MYOCD: variants seen among roughly 807,000 people sequenced by gnomAD.
The protein encoded by MYOCD is myocardin.
A neutral mutation model predicts 96.1 loss-of-function variants in MYOCD; 32 were observed. The observed-to-expected ratio is 0.33, with a 90% CI of 0.25 to 0.45. The LOEUF is 0.45. Among genes scored for constraint, MYOCD ranks in the 20% least tolerant of loss-of-function variants. The pLI is 1.00. For missense variants in MYOCD, 1,133 were observed against 1,200.6 expected, an observed-to-expected ratio of 0.94 and a Z score of 0.83; for synonymous variants, 469 against 469.0, an observed-to-expected ratio of 1.00 and a Z score of 0.00.
chr17:12,668,024 A>G (rs1181331645), intron 1 of MYOCD, among the ~76,000 whole-genome samples: 1 of 152,238 alleles, frequency 6.6e-6, no homozygotes, highest in Non-Finnish European at 1.5e-5. Context: ...GACAAGAGAA[A>G]AAAAACAAGT....
chr17:12,689,767 G>A (rs969622500), intron 1 of MYOCD, among the ~76,000 whole-genome samples: 11 of 151,668 alleles, frequency 7.3e-5, no homozygotes, highest in Admixed American at 2.6e-4. Context: ...GGAGGCAAAG[G>A]TTGCAGTGGG....
intron 4 of MYOCD, 133 bp downstream of exon 4, chr17:12,717,554 G>A: frequency 1.4e-6 from 1 of 720,390 alleles, no homozygotes; most frequent in East Asian, 2.8e-5. Flanking sequence ...GTAGTTTCAA[G>A]TAATCATCTA....
At chr17:12,718,071 T>C (rs2031704594) in intron 4 of MYOCD, among the ~76,000 whole-genome samples, 1 of 151,926 alleles carries the variant, frequency 6.6e-6, no homozygotes, top group Non-Finnish European at 1.5e-5. Context: ...AGAGGTCCAA[T>C]CCCTAATTTG....
chr17:12,684,279 A>G (rs980455328), intron 1 of MYOCD, among the ~76,000 whole-genome samples: 2 of 152,156 alleles, frequency 1.3e-5, no homozygotes, highest in Non-Finnish European at 2.9e-5. Context: ...TCGTCTGAGC[A>G]TCAGATGAGT....
Position 12,715,591 on chromosome 17 carries a change from TC to T in MYOCD, c.177+18del. The T allele has an allele frequency of 6.2e-7, 1 of 1,606,456 alleles. No homozygotes were observed. Among genetic ancestry groups the T allele is most frequent in the South Asian group, 1.1e-5 (1 of 90,690 alleles). On this transcript the variant is annotated intron_variant, in intron 3 of 13. Coordinates refer to ENST00000425538, the MANE Select transcript of MYOCD (RefSeq NM_001146312.3). Reference sequence around the variant, plus strand: ...AGTGACAAGGTAATTTTTGCAAATTTCTTGACCCAAGCTTAGACTATAGGTT... The same window carrying T: ...AGTGACAAGGTAATTTTTGCAAATTTTTGACCCAAGCTTAGACTATAGGTT...
Position 12,706,169 on chromosome 17 carries a change from A to G in MYOCD, c.121+976A>G, listed in dbSNP as rs1347671314. The G allele has an allele frequency of 3.9e-5, 6 of 152,370 alleles. No homozygotes were observed. The East Asian group carries it at 1.2e-3, about 29-fold the overall frequency. The allele number at this position is 152,370 out of a possible 1,614,324, so 9.4% of individuals were successfully genotyped here. A position where few individuals can be genotyped will look rare whatever the true frequency, so the allele number is the denominator to read the frequency against. ...TTCAGGCCTCTTGTTTTGTAATTCA[A>G]AAGTAATCCTTTGTTCATGGCTAAG... On this transcript the variant is annotated intron_variant, in intron 2 of 13. Transcript: ENST00000425538.
chr17:12,763,158 C>T lies in MYOCD; in HGVS notation c.2475C>T (p.Val825=). The part of the protein sequence containing the change: ...IPRSSRSPTA[V]LTKPSASFEQ... ...GATCTTCCCGAAGTCCAACTGCTGT[C>T]CTCACCAAGCCCTCGGCTTCCTTTG... The change falls in exon 14 of 14, where the codon GTC becomes GTT. Residue 825 remains valine, a synonymous_variant. Transcript: ENST00000425538. 6.2e-7 allele frequency: 1 copy of T among 1,614,178 alleles called. No individual in the cohort carries two copies.
chr17:12,690,351 C>T (rs1243568834), intron 1 of MYOCD, among the ~76,000 whole-genome samples: 1 of 152,060 alleles, frequency 6.6e-6, no homozygotes, highest in Non-Finnish European at 1.5e-5. Flanking sequence ...GTAGCATCAT[C>T]CATTGTTAAT....
intron 1 of MYOCD, among the ~76,000 whole-genome samples, chr17:12,669,227 G>A (rs1439318440): frequency 6.6e-6 from 1 of 152,198 alleles, no homozygotes; most frequent in Non-Finnish European, 1.5e-5. Flanking sequence ...AACACACAGG[G>A]AGGTACGTAT....
In MYOCD at chr17:12,757,506, T is replaced by C. The variant is rs113183983; in HGVS notation, c.2203-579T>C. Among the ~76,000 whole-genome samples, 49 of 152,306 alleles carry C rather than the reference T, an allele frequency of 3.2e-4. 1 individual carries two copies. Among genetic ancestry groups the C allele is most frequent in the African/African-American group, 1.0e-3 (43 of 41,564 alleles). On this transcript the variant is annotated intron_variant, in intron 11 of 13. Transcript: ENST00000425538. ...TTGATTATTTTTTATTTATTATTTA[T>C]TTATTTTTGAGACACAGTCTCACTC...
intron 2 of MYOCD, among the ~76,000 whole-genome samples, chr17:12,708,581 A>G (rs1309397824): frequency 6.6e-6 from 1 of 151,962 alleles, no homozygotes; most frequent in African/African-American, 2.4e-5. Context: ...TTTAGTAGAG[A>G]CAGGTTTCAC....
chr17:12,729,518 T>C (rs534196710), intron 5 of MYOCD, among the ~76,000 whole-genome samples: 2 of 151,610 alleles, frequency 1.3e-5, no homozygotes, highest in African/African-American at 2.4e-5. Flanking sequence ...TGAGGGCAGC[T>C]TGAGGCTCTG....
intron 6 of MYOCD, among the ~76,000 whole-genome samples, chr17:12,737,146 T>C (rs2032370178): frequency 6.6e-6 from 1 of 151,952 alleles, no homozygotes; most frequent in African/African-American, 2.4e-5. Flanking sequence ...TCCCAGCTAC[T>C]TGGGAGGCTG....
chr17:12,675,714 C>T (rs1336608839), intron 1 of MYOCD, among the ~76,000 whole-genome samples: 3 of 152,122 alleles, frequency 2.0e-5, no homozygotes, highest in Non-Finnish European at 2.9e-5. Context: ...AAAAATTAGC[C>T]TGGCACTGGT....
intron 1 of MYOCD, among the ~76,000 whole-genome samples, chr17:12,688,531 T>C (rs372446652): frequency 1.3e-3 from 127 of 96,842 alleles, no homozygotes; most frequent in African/African-American, 8.3e-3. Context: ...TCCATCTTCT[T>C]CCTTCCTTCC....
chr17:12,726,182 C>A (rs1444681820), intron 5 of MYOCD, among the ~76,000 whole-genome samples: 1 of 152,098 alleles, frequency 6.6e-6, no homozygotes, highest in African/African-American at 2.4e-5. Context: ...TGAAAAGCCT[C>A]CTTCAGTCTT....
At chr17:12,756,074 G>A (rs1443045396) in intron 10 of MYOCD, among the ~76,000 whole-genome samples, 1 of 152,134 alleles carries the variant, frequency 6.6e-6, no homozygotes, top group Non-Finnish European at 1.5e-5. Flanking sequence ...GGACAAGGTA[G>A]GGGGATGGAA....
rs564713881 is a variant in MYOCD, at chr17:12,689,341, C to A, written c.56-15787C>A. On this transcript the variant is annotated intron_variant, in intron 1 of 13. Transcript: ENST00000425538. ...GAATCCTGAAGCCTTGATTTGGGGACTTAGACTCCCACACCCTATAAAGTA... is the reference window on the plus strand; with the variant it reads ...GAATCCTGAAGCCTTGATTTGGGGAATTAGACTCCCACACCCTATAAAGTA... Among the ~76,000 whole-genome samples, 18 of 152,238 alleles carry A rather than the reference C, an allele frequency of 1.2e-4. No individual in the cohort carries two copies. In the South Asian group the frequency reaches 3.3e-3, roughly 28 times the overall value.
intron 4 of MYOCD, among the ~76,000 whole-genome samples, chr17:12,719,241 A>T (rs2031749386): frequency 6.6e-6 from 1 of 150,802 alleles, no homozygotes; most frequent in Non-Finnish European, 1.5e-5. Flanking sequence ...TTAACAAATA[A>T]AAATAAGTAT....
Sources: allele counts gnomAD v4.1 joint callset (sites outside exome capture counted in the v4.1 genomes callset), GRCh38; gene constraint gnomAD v4.1.1; transcripts MANE v1.5; gene names NCBI Gene and HGNC (gene_info 2026-07-23, HGNC 2026-07-21).